PCDHA4: variants seen among roughly 807,000 people sequenced by gnomAD.
PCDHA4 encodes protocadherin alpha-4.
Under a neutral mutation model 61.4 loss-of-function variants are expected in PCDHA4, and 49 were observed. The observed-to-expected ratio is 0.80, with a 90% CI of 0.63 to 1.01. PCDHA4 has a LOEUF of 1.01. Among genes scored for constraint, PCDHA4 ranks in the 50% least tolerant of loss-of-function variants. The probability of loss-of-function intolerance (pLI) is 0.00; values close to 1 mark genes in which losing one functional copy is unlikely to be tolerated. For missense variants in PCDHA4, 1,254 were observed against 1,235.8 expected (o/e 1.01, Z -0.22); for synonymous variants, 590 against 550.3 (o/e 1.07, Z -1.01).
chr5:140,822,082 A>G, intron 1 of PCDHA4: 1 of 1,614,244 alleles, frequency 6.2e-7, no homozygotes, highest in Non-Finnish European at 8.5e-7. Context: ...GGAGTGCAGC[A>G]TCCACCTGGA....
At chr5:140,863,196 G>T (rs782500346) in intron 1 of PCDHA4, 2 of 874,852 alleles carry the variant, frequency 2.3e-6, no homozygotes, top group Non-Finnish European at 3.6e-6. Context: ...TGGTGGCGTC[G>T]CTGGCGGAGA....
At chr5:140,849,557 G>T (rs2150440607) in intron 1 of PCDHA4, 4 of 1,598,482 alleles carry the variant, frequency 2.5e-6, no homozygotes, top group Non-Finnish European at 3.4e-6. Context: ...CTATCAAAAC[G>T]CTCTCGGTTC....
chr5:140,947,645 A>G (rs1373528004), intron 1 of PCDHA4, among the ~76,000 whole-genome samples: 2 of 151,670 alleles, frequency 1.3e-5, no homozygotes, highest in African/African-American at 2.4e-5. Flanking sequence ...GTATGAACAT[A>G]TATACCTCCA....
At chr5:140,875,504 C>G (rs1554167711) in intron 1 of PCDHA4, 2 of 1,613,462 alleles carry the variant, frequency 1.2e-6, no homozygotes, top group African/African-American at 2.7e-5. Context: ...GGCCCGGGAT[C>G]CCAGCGTCTG....
At chr5:140,876,424 A>G in intron 1 of PCDHA4, 1 of 1,613,970 alleles carries the variant, frequency 6.2e-7, no homozygotes. Context: ...TGCCTATGAA[A>G]TTCAGGTTAA....
chr5:140,923,986 G>A (rs1482099424), intron 1 of PCDHA4, among the ~76,000 whole-genome samples: 2 of 152,074 alleles, frequency 1.3e-5, no homozygotes, highest in African/African-American at 2.4e-5. Flanking sequence ...ATCCCTCTAG[G>A]TGCAGCTCAG....
At chr5:140,977,955 C>T (rs1280190913) in intron 1 of PCDHA4, among the ~76,000 whole-genome samples, 1 of 152,170 alleles carries the variant, frequency 6.6e-6, no homozygotes, top group African/African-American at 2.4e-5. Context: ...GACAGGGCCA[C>T]CTCAATCTCC....
At chr5:140,877,821 T>A in intron 1 of PCDHA4, 1 of 1,603,344 alleles carries the variant, frequency 6.2e-7, no homozygotes, top group East Asian at 2.2e-5. Flanking sequence ...GAGAAGATTG[T>A]TTAAATCCTC....
chr5:140,827,955 C>T, intron 1 of PCDHA4: 3 of 1,286,522 alleles, frequency 2.3e-6, no homozygotes, highest in Non-Finnish European at 3.2e-6. Flanking sequence ...ATTCAAATTT[C>T]TTCTATTACT....
intron 1 of PCDHA4, chr5:140,835,897 C>T (rs2150247732): frequency 2.5e-6 from 4 of 1,612,078 alleles, no homozygotes; most frequent in Non-Finnish European, 3.4e-6. Context: ...CGCGCGCTGT[C>T]GAGCTACGTG....
Position 140,850,211 on chromosome 5 carries a change from C to A in PCDHA4, c.2385+40639C>A, listed in dbSNP as rs2150473492. The stretch of plus-strand genomic sequence containing the variant: ...CGCTGCTGACACCTCGGATGAGGGG[C>A]ACTGACGGCGCAGTGAGCGAGATGG... On this transcript the variant is annotated intron_variant, in intron 1 of 3. Coordinates refer to ENST00000530339, the MANE Select transcript of PCDHA4 (RefSeq NM_018907.4). The A allele has an allele frequency of 5.0e-6, 8 of 1,593,540 alleles. 1 individual carries two copies. Among genetic ancestry groups the A allele is most frequent in the Non-Finnish European group, 6.0e-6 (7 of 1,167,626 alleles).
intron 1 of PCDHA4, chr5:140,821,904 C>G (rs1360851482): frequency 1.2e-6 from 2 of 1,614,220 alleles, no homozygotes; most frequent in Non-Finnish European, 1.7e-6. Flanking sequence ...ACGGAACCTT[C>G]GTTGGCCGCA....
rs782004703 is a variant in PCDHA4, at chr5:140,807,238, ACTT to A, written c.57_59del (p.Leu21del). 71 of 1,614,010 alleles carry A rather than the reference ACTT, an allele frequency of 4.4e-5. No individual in the cohort carries two copies. In the East Asian group the frequency reaches 7.4e-4, roughly 17 times the overall value. On this transcript the variant is annotated inframe_deletion, in exon 1 of 4. Coordinates refer to ENST00000530339, the MANE Select transcript of PCDHA4 (RefSeq NM_018907.4). ...AGGAATCCCGGCGTCTGCTGCTCTT[ACTT>A]CTTCTCCTCGCAGCCTGGGAGGCAG... is the stretch of plus-strand genomic sequence containing the variant.
rs2150214533 is a variant in PCDHA4, at chr5:140,834,253, C to T, written c.2385+24681C>T. On this transcript the variant is annotated intron_variant, in intron 1 of 3. Transcript: ENST00000530339. ...GTCATTCCTTTTCGCACTGGAAAGA[C>T]GCTCCACTCTCTTTCACTCTTTGGA... The T allele has an allele frequency of 2.7e-5, 25 of 919,776 alleles. No homozygotes were observed. The East Asian group carries it at 5.9e-4, about 22-fold the overall frequency. The allele number at this position is 919,776 out of a possible 1,614,324, so 57.0% of individuals were successfully genotyped here. A position where few individuals can be genotyped will look rare whatever the true frequency, so the allele number is the denominator to read the frequency against.
chr5:140,998,755 A>G (rs940678929), intron 3 of PCDHA4, among the ~76,000 whole-genome samples: 2 of 152,062 alleles, frequency 1.3e-5, no homozygotes, highest in African/African-American at 4.8e-5. Flanking sequence ...GAAGAGACAC[A>G]GTTTCACTAT....
intron 1 of PCDHA4, chr5:140,842,938 C>A: frequency 1.3e-6 from 2 of 1,594,552 alleles, no homozygotes; most frequent in East Asian, 2.2e-5. Context: ...GCGCGCGCGA[C>A]GCGGGCGTGC....
chr5:140,875,157 A>T, intron 1 of PCDHA4: 1 of 333,552 alleles, frequency 3.0e-6, no homozygotes, highest in Non-Finnish European at 5.3e-6. Flanking sequence ...CGTGAAAAAT[A>T]ACCCAAAGTC....
At chr5:140,863,220 G>C in intron 1 of PCDHA4, 1 of 1,115,318 alleles carries the variant, frequency 9.0e-7, no homozygotes, top group African/African-American at 1.6e-5. Flanking sequence ...GCCAAGCGAG[G>C]AAGGTCCCAT....
chr5:140,945,596 T>C (rs2093812585), intron 1 of PCDHA4, among the ~76,000 whole-genome samples: 1 of 152,060 alleles, frequency 6.6e-6, no homozygotes, highest in Admixed American at 6.6e-5. Context: ...ACTTCAAAGC[T>C]ATAATAATCA....
Sources: gnomAD v4.1 joint callset for allele counts (sites outside exome capture counted in the v4.1 genomes callset) on GRCh38, gnomAD v4.1.1 for gene constraint, MANE v1.5 for transcripts, NCBI Gene and HGNC (gene_info 2026-07-23, HGNC 2026-07-21) for gene names.